TTC23: variants seen among roughly 807,000 people sequenced by gnomAD.
TTC23 encodes tetratricopeptide repeat protein 23.
Under a neutral mutation model 55.1 loss-of-function variants are expected in TTC23, and 58 were observed. That is an observed-to-expected ratio of 1.05 (90% CI 0.85 to 1.31). The LOEUF (loss-of-function observed/expected upper bound fraction) is 1.31. TTC23 is among the 50% of genes most tolerant of loss of function. The pLI is 0.00. For synonymous variants in TTC23, 203 were observed against 199.9 expected (o/e 1.02, Z -0.13); for missense variants, 516 against 534.4 (o/e 0.97, Z 0.34).
chr15:99,243,423 G>A (rs1461188592), intron 2 of TTC23, among the ~76,000 whole-genome samples: 1 of 152,178 alleles, frequency 6.6e-6, no homozygotes, highest in Non-Finnish European at 1.5e-5. Flanking sequence ...AGCCACTGTG[G>A]AGAACAGTAT....
At chr15:99,214,724 C>T (rs1294272272) in intron 8 of TTC23, among the ~76,000 whole-genome samples, 6 of 151,860 alleles carry the variant, frequency 4.0e-5, no homozygotes, top group African/African-American at 1.5e-4. Context: ...CCACCACACC[C>T]AGCCATATCT....
At chr15:99,244,122 C>T (rs542302895) in intron 2 of TTC23, among the ~76,000 whole-genome samples, 1 of 152,078 alleles carries the variant, frequency 6.6e-6, no homozygotes, top group African/African-American at 2.4e-5. Context: ...TATGTACTCA[C>T]AAAAATTAAA....
chr15:99,238,717 AGGAG>A (rs558462407), intron 3 of TTC23, among the ~76,000 whole-genome samples: 48 of 152,320 alleles, frequency 3.2e-4, no homozygotes, highest in Admixed American at 1.3e-3. Flanking sequence ...CATGCCATTG[AGGAG>A]GGTTATTGAC....
At chr15:99,207,170 T>C (rs1051738433) in intron 8 of TTC23, among the ~76,000 whole-genome samples, 6 of 152,134 alleles carry the variant, frequency 3.9e-5, no homozygotes, top group Admixed American at 1.3e-4. Context: ...ATTTCTAATA[T>C]ATACACAAAT....
chr15:99,174,601 C>T (rs567661266), intron 10 of TTC23, among the ~76,000 whole-genome samples: 1 of 152,310 alleles, frequency 6.6e-6, no homozygotes, highest in South Asian at 2.1e-4. Flanking sequence ...TAAGAAAAAG[C>T]CATAAATGGC....
At chr15:99,241,724 A>G (rs930907495) in intron 2 of TTC23, among the ~76,000 whole-genome samples, 165 bp from the exon 3 acceptor site, 1 of 152,246 alleles carries the variant, frequency 6.6e-6, no homozygotes, top group South Asian at 2.1e-4. Flanking sequence ...GCTGGAGCTC[A>G]GTTCTGAAGG....
intron 2 of TTC23, among the ~76,000 whole-genome samples, chr15:99,244,465 A>G (rs957974535): frequency 5.9e-5 from 9 of 152,232 alleles, no homozygotes; most frequent in African/African-American, 2.2e-4. Context: ...CATAGGATAC[A>G]TAATAAATAA....
chr15:99,188,261 A>G (rs1417486041), intron 9 of TTC23, among the ~76,000 whole-genome samples: 1 of 152,068 alleles, frequency 6.6e-6, no homozygotes, highest in Non-Finnish European at 1.5e-5. Flanking sequence ...ATACTGTATG[A>G]TTCTGTTTAT....
chr15:99,181,520 T>C (rs2074113828), intron 9 of TTC23, among the ~76,000 whole-genome samples: 1 of 152,222 alleles, frequency 6.6e-6, no homozygotes, highest in East Asian at 1.9e-4. Flanking sequence ...CCACTTGTCA[T>C]TGGAGGTGTG....
chr15:99,185,314 G>A (rs2074561302), intron 9 of TTC23, among the ~76,000 whole-genome samples: 1 of 152,134 alleles, frequency 6.6e-6, no homozygotes, highest in South Asian at 2.1e-4. Flanking sequence ...TAAGAAGCGC[G>A]ACCATTAGCT....
intron 8 of TTC23, among the ~76,000 whole-genome samples, chr15:99,202,649 G>T (rs927170445): frequency 6.6e-6 from 1 of 152,186 alleles, no homozygotes; most frequent in East Asian, 1.9e-4. Flanking sequence ...CAAAAGCACA[G>T]CATATCATCC....
intron 12 of TTC23, among the ~76,000 whole-genome samples, chr15:99,154,226 A>G (rs2070232462): frequency 6.6e-6 from 1 of 152,248 alleles, no homozygotes; most frequent in Non-Finnish European, 1.5e-5. Flanking sequence ...AATTATTTTT[A>G]TAAGCAAATA....
chr15:99,193,286 ATATGG>A (rs1170085109), intron 9 of TTC23, among the ~76,000 whole-genome samples: 1 of 152,168 alleles, frequency 6.6e-6, no homozygotes, highest in East Asian at 1.9e-4. Flanking sequence ...GGGCAGAATG[ATATGG>A]TTTGGCTCTG....
At chr15:99,183,214 C>T (rs558687071) in intron 9 of TTC23, among the ~76,000 whole-genome samples, 4 of 152,244 alleles carry the variant, frequency 2.6e-5, no homozygotes, top group Admixed American at 2.6e-4. Context: ...GTCATTCTTG[C>T]TATGCTTTAG....
At chr15:99,186,558 A>G (rs1390105636) in intron 9 of TTC23, among the ~76,000 whole-genome samples, 1 of 152,194 alleles carries the variant, frequency 6.6e-6, no homozygotes, top group African/African-American at 2.4e-5. Flanking sequence ...ATTTGAACAC[A>G]TTTAGAAAAC....
intron 4 of TTC23, among the ~76,000 whole-genome samples, chr15:99,231,208 ATGAC>A (rs1170389204): frequency 2.0e-5 from 3 of 152,258 alleles, no homozygotes; most frequent in African/African-American, 7.2e-5. Flanking sequence ...TAGTTGATAA[ATGAC>A]TGTTACTGGT....
chr15:99,159,797 A>G (rs1000975821), intron 11 of TTC23: 2 of 152,254 alleles, frequency 1.3e-5, no homozygotes, highest in Non-Finnish European at 2.9e-5. Context: ...AAACATCACC[A>G]TGGCTTCCTT....
At chr15:99,249,907 A>G (rs1260640859), upstream of TTC23, 2 of 152,194 alleles carry the variant, frequency 1.3e-5, no homozygotes, top group African/African-American at 4.8e-5. Context: ...CTTTTGTGTC[A>G]ATGTGGGGAG....
intron 8 of TTC23, among the ~76,000 whole-genome samples, chr15:99,217,798 G>C (rs1022334053): frequency 1.3e-5 from 2 of 152,182 alleles, no homozygotes; most frequent in Admixed American, 1.3e-4. Context: ...TGTTCTCCTG[G>C]GGCCCTTTCC....
Sources: allele counts gnomAD v4.1 joint callset (sites outside exome capture counted in the v4.1 genomes callset), GRCh38; gene constraint gnomAD v4.1.1; transcripts MANE v1.5; gene names NCBI Gene and HGNC (gene_info 2026-07-23, HGNC 2026-07-21).